PRDM11: variants seen among roughly 807,000 people sequenced by gnomAD.
The protein encoded by PRDM11 is PR domain-containing protein 11.
A neutral mutation model predicts 97.8 loss-of-function variants in PRDM11; 20 were observed. The observed-to-expected ratio is 0.20, with a 90% CI of 0.14 to 0.30. The LOEUF is 0.30. PRDM11 is among the 10% of genes least tolerant of loss of function. The pLI, the probability that PRDM11 is intolerant of heterozygous loss-of-function variation, is 1.00. For missense variants in PRDM11, 1,139 were observed against 1,555.2 expected (o/e 0.73, Z 4.50); for synonymous variants, 599 against 637.7 (o/e 0.94, Z 0.91).
At chr11:45,223,058 G>A (rs1029771451) in intron 6 of PRDM11, among the ~76,000 whole-genome samples, 4 of 152,214 alleles carry the variant, frequency 2.6e-5, no homozygotes, top group African/African-American at 9.6e-5. Context: ...GCTCATGCCT[G>A]TAATCTCAGC....
Position 45,174,524 on chromosome 11 carries a change from C to A in PRDM11, c.-6-7237C>A, listed in dbSNP as rs189190777. 3.9e-5 allele frequency among the ~76,000 whole-genome samples: 6 copies of A among 152,240 alleles called. No homozygotes were observed. The South Asian group carries it at 6.2e-4, about 16-fold the overall frequency. On this transcript the variant is annotated intron_variant, in intron 1 of 7. Coordinates refer to ENST00000683152, the MANE Select transcript of PRDM11 (RefSeq NM_001384648.1). The stretch of plus-strand genomic sequence containing the variant: ...TCGGGTAGAGATATGGGGGTCCTTA[C>A]CGATTGATTGATTCATTGAGTCATT...
At position 45,229,745 on chromosome 11, in the gene PRDM11, T is replaced by C. The variant is rs1198058339; in HGVS notation, c.*1586T>C. Reference sequence around the variant, plus strand: ...ATATGCAGAGATCCTATCACGTGGATGCAGGTCATTTTGGGGGAGGGAGGA... The same window carrying C: ...ATATGCAGAGATCCTATCACGTGGACGCAGGTCATTTTGGGGGAGGGAGGA... On this transcript the variant is annotated 3_prime_UTR_variant, in exon 8 of 8. Coordinates refer to ENST00000683152, the MANE Select transcript of PRDM11 (RefSeq NM_001384648.1). 2.6e-5 allele frequency: 4 copies of C among 152,254 alleles called. No homozygotes were observed. Among genetic ancestry groups the C allele is most frequent in the Non-Finnish European group, 4.4e-5 (3 of 68,046 alleles). 9.4% of individuals were successfully genotyped at this position (152,254 alleles called of 1,614,324 possible). A position where few individuals can be genotyped will look rare whatever the true frequency, so the allele number is the denominator to read the frequency against.
chr11:45,186,678 C>T (rs1319115234), intron 4 of PRDM11, among the ~76,000 whole-genome samples: 1 of 152,172 alleles, frequency 6.6e-6, no homozygotes, highest in Non-Finnish European at 1.5e-5. Flanking sequence ...GGAAAGGGAA[C>T]TAGCAAGGGT....
Position 45,204,744 on chromosome 11 carries a change from G to A in PRDM11, c.520G>A (p.Asp174Asn). Residue 174 changes from aspartate (D) to asparagine (N), a missense_variant, in exon 5 of 8, where the codon GAT (aspartate) becomes AAT (asparagine). Physicochemically the swap from Asp to Asn is conservative, Grantham distance 23. Coordinates refer to ENST00000683152, the MANE Select transcript of PRDM11 (RefSeq NM_001384648.1). ...VDKNNRYKSI[D>N]GSDETKANWM... ...CAAGAACAACCGCTATAAGTCCATA[G>A]ATGGCTCAGACGAGACCAAAGCCAA... The A allele has an allele frequency of 6.2e-7, 1 of 1,613,302 alleles. No individual in the cohort carries two copies. Among genetic ancestry groups the A allele is most frequent in the Non-Finnish European group, 8.5e-7 (1 of 1,179,264 alleles).
In PRDM11 at chr11:45,226,465, G is replaced by A; in HGVS notation, c.1840G>A (p.Glu614Lys). ...RPYLDFRPLAELLRKCELKVV... is the reference protein window; with the variant it reads ...RPYLDFRPLAKLLRKCELKVV... ...CTACCTGGACTTCCGGCCCCTGGCG[G>A]AGCTGCTGAGGAAGTGTGAGCTCAA... The change falls in exon 8 of 8, where the codon GAG becomes AAG. Residue 614 changes from glutamate to lysine, a missense_variant. Transcript: ENST00000683152. The A allele has an allele frequency of 6.5e-7, 1 of 1,534,004 alleles. No individual in the cohort carries two copies. Among genetic ancestry groups the A allele is most frequent in the South Asian group, 1.2e-5 (1 of 83,970 alleles).
Position 45,226,911 on chromosome 11 carries a change from G to T in PRDM11, c.2286G>T (p.Val762=). The change falls in exon 8 of 8, where the codon GTG becomes GTT. Residue 762 remains valine, a synonymous_variant. Transcript: ENST00000683152. ...LPWLLCLPFM[V]HRPHLEILDA... is the part of the protein sequence containing the mutation. ...GGCTGCTGTGCCTGCCCTTCATGGT[G>T]CACCGGCCCCACCTGGAGATCCTGG... 1 of 1,533,962 alleles carries T rather than the reference G, an allele frequency of 6.5e-7. No homozygotes were observed. The highest frequency in any genetic ancestry group is 8.7e-7 in the Non-Finnish European group (1 of 1,146,742).
At chr11:45,101,600 G>A (rs1041350257) in intron 1 of PRDM11, among the ~76,000 whole-genome samples, 1 of 148,948 alleles carries the variant, frequency 6.7e-6, no homozygotes, top group Admixed American at 6.7e-5. Context: ...AGAAGAAGAA[G>A]GCGTTCAGGG....
chr11:45,226,534 A>G lies in PRDM11; in HGVS notation c.1909A>G (p.Ile637Val). The stretch of plus-strand genomic sequence containing the variant: ...GAATGAGGGAGACTGCCAGATCCTC[A>G]TCCATCACATCGCCCGGGCCCTGCG... Reference protein sequence around the residue: ...YMNEGDCQILIHHIARALRED... With the variant: ...YMNEGDCQILVHHIARALRED... The change falls in exon 8 of 8, where the codon ATC (isoleucine) becomes GTC (valine). Residue 637 changes from isoleucine to valine, a missense_variant. By Grantham distance (29) the Ile-to-Val change is conservative (BLOSUM62 3). Around this residue, in one of 2 missense-constraint regions of PRDM11, gnomAD observed 710 missense variants for 1,044.9 expected, o/e 0.68. Coordinates refer to ENST00000683152, the MANE Select transcript of PRDM11 (RefSeq NM_001384648.1). 6.5e-7 allele frequency: 1 copy of G among 1,533,914 alleles called. No individual in the cohort carries two copies. The highest frequency in any genetic ancestry group is 8.7e-7 in the Non-Finnish European group (1 of 1,146,718).
chr11:45,229,564 T>G lies in PRDM11; in HGVS notation c.*1405T>G, dbSNP rs983535552. On this transcript the variant is annotated 3_prime_UTR_variant, in exon 8 of 8. Coordinates refer to ENST00000683152, the MANE Select transcript of PRDM11 (RefSeq NM_001384648.1). Reference sequence around the variant, plus strand: ...AGCTTTAGAAATAGCCACTTGCCTATTCCCTGGGGCAAGTAGTGGTTTAAA... The same window carrying G: ...AGCTTTAGAAATAGCCACTTGCCTAGTCCCTGGGGCAAGTAGTGGTTTAAA... The G allele has an allele frequency of 6.6e-6, 1 of 152,144 alleles. No individual in the cohort carries two copies. The highest frequency in any genetic ancestry group is 2.4e-5 in the African/African-American group (1 of 41,420). The allele number at this position is 152,144 out of a possible 1,614,324, so 9.4% of individuals were successfully genotyped here. A position where few individuals can be genotyped will look rare whatever the true frequency, so the allele number is the denominator to read the frequency against.
At chr11:45,125,313 G>A (rs1042773743) in intron 1 of PRDM11, among the ~76,000 whole-genome samples, 1 of 151,878 alleles carries the variant, frequency 6.6e-6, no homozygotes, top group African/African-American at 2.4e-5. Flanking sequence ...TTAATTTTTT[G>A]AAGGGTTTTT....
chr11:45,181,704 C>A, intron 1 of PRDM11, 57 bp from the exon 2 acceptor site: 1 of 1,494,184 alleles, frequency 6.7e-7, no homozygotes, highest in East Asian at 2.3e-5. Flanking sequence ...CCGCTCACTC[C>A]TCTTCCCCTG....
At chr11:45,170,672 A>G (rs1819348027) in intron 1 of PRDM11, among the ~76,000 whole-genome samples, 1 of 152,160 alleles carries the variant, frequency 6.6e-6, no homozygotes, top group Non-Finnish European at 1.5e-5. Context: ...GAAATGGGGC[A>G]CCATGGGGGT....
rs770837477 is a variant in PRDM11, at chr11:45,103,360, AGAG to A, written c.96+7465_96+7467del. Among the ~76,000 whole-genome samples the A allele has an allele frequency of 1.3e-4, 20 of 152,278 alleles. No homozygotes were observed. The East Asian group carries it at 1.4e-3, about 10-fold the overall frequency. On this transcript the variant is annotated intron_variant, in intron 1 of 6. Transcript: ENST00000530656. ...TGAAGGAGGAAAAGTTGGAGGAGGA[AGAG>A]GAGGAAGATGAGAGGGAGATGAGGA...
At chr11:45,170,977 T>TA (rs1430263327) in intron 1 of PRDM11, among the ~76,000 whole-genome samples, 1 of 152,240 alleles carries the variant, frequency 6.6e-6, no homozygotes, top group African/African-American at 2.4e-5. Flanking sequence ...CATTGGTTGT[T>TA]GCCAGTCTTT....
At chr11:45,132,498 A>G (rs925992011) in intron 1 of PRDM11, among the ~76,000 whole-genome samples, 1 of 152,240 alleles carries the variant, frequency 6.6e-6, no homozygotes, top group Non-Finnish European at 1.5e-5. Flanking sequence ...TGTTATTTTT[A>G]AAACAATAAT....
chr11:45,145,655 T>C (rs137922697), upstream of PRDM11, among the ~76,000 whole-genome samples: 520 of 152,250 alleles, frequency 3.4e-3, 7 homozygotes, highest in African/African-American at 0.012. Flanking sequence ...CAGAGCATCC[T>C]CCCTTGGTAG....
Position 45,215,543 on chromosome 11 carries a change from T to C in PRDM11, c.555-4027T>C, listed in dbSNP as rs545563718. Among the ~76,000 whole-genome samples the C allele has an allele frequency of 1.5e-4, 23 of 152,256 alleles. No homozygotes were observed. The South Asian group carries it at 3.9e-3, about 26-fold the overall frequency. ...CTTCCTGGGGAGGGAAGGAGCCAAA[T>C]TGGAAGCTGTAAAACTGAAATGGAA... On this transcript the variant is annotated intron_variant, in intron 5 of 7. Coordinates refer to ENST00000683152, the MANE Select transcript of PRDM11 (RefSeq NM_001384648.1).
rs1014912278 is a variant in PRDM11, at chr11:45,230,320, C to T, written c.*2161C>T. 2.0e-5 allele frequency: 3 copies of T among 152,034 alleles called. No individual in the cohort carries two copies. Among genetic ancestry groups the T allele is most frequent in the Admixed American group, 2.0e-4 (3 of 15,276 alleles). 9.4% of individuals were successfully genotyped at this position (152,034 alleles called of 1,614,324 possible). A position where few individuals can be genotyped will look rare whatever the true frequency, so the allele number is the denominator to read the frequency against. On this transcript the variant is annotated 3_prime_UTR_variant, in exon 8 of 8. Transcript: ENST00000683152. The stretch of plus-strand genomic sequence containing the variant: ...CACCCCACCTCCCACCCCAGTTGCA[C>T]ACATGCTTCCCTACCCTCCTCTGAG...
upstream of PRDM11, among the ~76,000 whole-genome samples, chr11:45,145,283 C>T (rs1043451285): frequency 8.5e-5 from 13 of 152,222 alleles, no homozygotes; most frequent in Non-Finnish European, 1.9e-4. Flanking sequence ...TTCCAAGAAG[C>T]TGTGTTTGTG....
Sources: allele counts gnomAD v4.1 joint callset (sites outside exome capture counted in the v4.1 genomes callset), GRCh38; gene constraint gnomAD v4.1.1; regional missense constraint gnomAD v4.1.1; transcripts MANE v1.5; gene names NCBI Gene and HGNC (gene_info 2026-07-23, HGNC 2026-07-21).